Variants in NRG2 observed in about 807,000 individuals in gnomAD.
The protein encoded by NRG2 is neuregulin 2.
Under a neutral mutation model 73.9 loss-of-function variants are expected in NRG2, and 27 were observed. The ratio of observed to expected loss-of-function variants is 0.37; its 90% CI spans 0.27 to 0.50. NRG2 has a LOEUF of 0.50. Ranked by LOEUF, NRG2 falls within the 20% of genes least tolerant of loss-of-function variation. NRG2 has a pLI of 0.96. For synonymous variants in NRG2, 532 were observed against 541.0 expected (o/e 0.98, Z 0.23); for missense variants, 1,126 against 1,210.1 (o/e 0.93, Z 1.03).
intron 3 of NRG2, among the ~76,000 whole-genome samples, chr5:139,873,938 T>A (rs1020295260): frequency 6.6e-6 from 1 of 152,188 alleles, no homozygotes. Flanking sequence ...GCCAGTATCA[T>A]GTTGTCATGG....
intron 1 of NRG2, among the ~76,000 whole-genome samples, chr5:139,960,130 C>G (rs1754947336): frequency 6.6e-6 from 1 of 152,230 alleles, no homozygotes; most frequent in South Asian, 2.1e-4. Flanking sequence ...TGGAGCCTTC[C>G]TCTCTTCAGA....
intron 1 of NRG2, among the ~76,000 whole-genome samples, chr5:140,039,915 A>C (rs965269264): frequency 6.6e-6 from 1 of 152,220 alleles, no homozygotes; most frequent in African/African-American, 2.4e-5. Flanking sequence ...TGTGGCCCAG[A>C]GGGCTTTCTT....
At chr5:139,980,266 C>T (rs1346110621) in intron 1 of NRG2, among the ~76,000 whole-genome samples, 3 of 152,054 alleles carry the variant, frequency 2.0e-5, no homozygotes, top group East Asian at 1.9e-4. Context: ...ACGGAGGGGC[C>T]CTGCTTCAGG....
rs1225486666 is a variant in NRG2 at position 139,856,132 on chromosome 5, G to A, written c.1190-354C>T. 7.0e-6 allele frequency: 2 copies of A among 285,100 alleles called. No individual in the cohort carries two copies. Among genetic ancestry groups the A allele is most frequent in the Non-Finnish European group, 1.4e-5 (2 of 145,634 alleles). The allele number at this position is 285,100 out of a possible 1,614,324, so 17.7% of individuals were successfully genotyped here. A position where few individuals can be genotyped will look rare whatever the true frequency, so the allele number is the denominator to read the frequency against. On this transcript the variant is annotated intron_variant, in intron 5 of 9. Transcript: ENST00000361474. This position sits in a 1 kb window ranked among gnomAD's most constrained non-coding sequence, Gnocchi z 4.2. ...CTGTAGAGCAGGGGAGGACAGCTCA[G>A]TCTGGCCGGTGACCCTGCCCTGCTC...
At chr5:139,992,000 C>T (rs1049980466) in intron 1 of NRG2, among the ~76,000 whole-genome samples, 19 of 151,896 alleles carry the variant, frequency 1.3e-4, no homozygotes, top group African/African-American at 4.6e-4. Context: ...ATCTTCTCTC[C>T]CTACTTTTCT....
intron 1 of NRG2, among the ~76,000 whole-genome samples, chr5:139,900,780 T>G (rs567247794): frequency 6.6e-6 from 1 of 152,330 alleles, no homozygotes; most frequent in Non-Finnish European, 1.5e-5. Context: ...TTTTCCTCCA[T>G]GTGTCTTCAT....
At chr5:139,995,096 C>T (rs528544619) in intron 1 of NRG2, among the ~76,000 whole-genome samples, 4 of 152,222 alleles carry the variant, frequency 2.6e-5, no homozygotes, top group South Asian at 2.1e-4. Flanking sequence ...AATTAGCATT[C>T]GAATTGTAAT....
chr5:139,982,814 C>T (rs959798423), intron 1 of NRG2, among the ~76,000 whole-genome samples: 3 of 152,210 alleles, frequency 2.0e-5, no homozygotes, highest in Non-Finnish European at 4.4e-5. Flanking sequence ...GTACTCTTAG[C>T]TGGCTGAGGA....
intron 1 of NRG2, among the ~76,000 whole-genome samples, chr5:140,024,825 C>T (rs1760552953): frequency 6.6e-6 from 1 of 152,184 alleles, no homozygotes; most frequent in African/African-American, 2.4e-5. Flanking sequence ...ACATTTGAGA[C>T]ATCTAGATTG....
rs1762685164 is a variant in NRG2 at position 139,869,254 on chromosome 5, T to G, written c.1112+2467A>C. The G allele has an allele frequency of 6.6e-6, 1 of 151,922 alleles. No individual in the cohort carries two copies. The highest frequency in any genetic ancestry group is 2.1e-4 in the South Asian group (1 of 4,812). The allele number at this position is 151,922 out of a possible 1,614,324, so 9.4% of individuals were successfully genotyped here. A position where few individuals can be genotyped will look rare whatever the true frequency, so the allele number is the denominator to read the frequency against. ...CTGAACCAATACACAACAACAAGTGTAAGAAAACCAGGAAGGAAAACTGAT... is the reference window on the plus strand; with the variant it reads ...CTGAACCAATACACAACAACAAGTGGAAGAAAACCAGGAAGGAAAACTGAT... On this transcript the variant is annotated intron_variant, in intron 4 of 9. Coordinates refer to ENST00000361474, the MANE Select transcript of NRG2 (RefSeq NM_004883.3). The surrounding 1 kb of genome is among the most constrained non-coding windows in gnomAD (Gnocchi z 4.5).
intron 1 of NRG2, among the ~76,000 whole-genome samples, chr5:139,930,607 G>T (rs1282753664): frequency 6.6e-6 from 1 of 152,190 alleles, no homozygotes; most frequent in African/African-American, 2.4e-5. Flanking sequence ...TGACAATAAA[G>T]TGCATGCCTC....
At chr5:139,892,970 C>T (rs1348121616) in intron 1 of NRG2, among the ~76,000 whole-genome samples, 1 of 152,118 alleles carries the variant, frequency 6.6e-6, no homozygotes, top group Non-Finnish European at 1.5e-5. Context: ...GGAGTAACCA[C>T]CCCTACTCCG....
At position 139,851,531 on chromosome 5, in the gene NRG2, T is replaced by TA; in HGVS notation, c.1772+72dup. 1 of 1,439,066 alleles carries TA rather than the reference T, an allele frequency of 6.9e-7. No individual in the cohort carries two copies. The highest frequency in any genetic ancestry group is 1.2e-5 in the South Asian group (1 of 83,638). 89.1% of individuals were successfully genotyped at this position (1,439,066 alleles called of 1,614,324 possible). ...TCTTTGGAGTGTTTCTGAGGGGCCC[T>TA]AAGGGTCAGCCTTGGGCCAGTGGTG... On this transcript the variant is annotated intron_variant, in intron 9 of 9. Transcript: ENST00000361474. The surrounding 1 kb of genome is among the most constrained non-coding windows in gnomAD (Gnocchi z 4.2).
At chr5:139,956,722 A>G (rs1299937516) in intron 1 of NRG2, among the ~76,000 whole-genome samples, 1 of 152,244 alleles carries the variant, frequency 6.6e-6, no homozygotes, top group Non-Finnish European at 1.5e-5. Flanking sequence ...TAGTGTCCCA[A>G]TGTCAACAGG....
At position 139,860,578 on chromosome 5, in the gene NRG2, G is replaced by A. The variant is rs555881398; in HGVS notation, c.1190-4800C>T. ...TACTTGACACCGCAACACCCTAGAA[G>A]CCTACAGGGCTGGGCCATGGTGCCT... On this transcript the variant is annotated intron_variant, in intron 5 of 9. Coordinates refer to ENST00000361474, the MANE Select transcript of NRG2 (RefSeq NM_004883.3). Among the ~76,000 whole-genome samples the A allele has an allele frequency of 2.6e-5, 4 of 152,256 alleles. No homozygotes were observed. In the East Asian group the frequency reaches 7.7e-4, roughly 29 times the overall value.
chr5:140,035,605 T>G (rs2126701612), intron 1 of NRG2, among the ~76,000 whole-genome samples: 1 of 152,374 alleles, frequency 6.6e-6, no homozygotes. Context: ...GAATTCATGA[T>G]GTCCTGACTT....
chr5:139,909,979 G>A (rs1436611949), intron 1 of NRG2, among the ~76,000 whole-genome samples: 1 of 152,124 alleles, frequency 6.6e-6, no homozygotes, highest in African/African-American at 2.4e-5. Flanking sequence ...AAGTTTATTC[G>A]TGCCTCTGCC....
chr5:139,985,233 G>T (rs1013237203), intron 1 of NRG2, among the ~76,000 whole-genome samples: 3 of 151,642 alleles, frequency 2.0e-5, no homozygotes, highest in Non-Finnish European at 4.4e-5. Flanking sequence ...CCAGCTACTC[G>T]AGAGGCTGAG....
chr5:139,862,720 G>C (rs115548814), intron 5 of NRG2, among the ~76,000 whole-genome samples: 2 of 152,268 alleles, frequency 1.3e-5, no homozygotes, highest in Non-Finnish European at 2.9e-5. Context: ...TTGCTCATGT[G>C]TGCAGGTATG....
Sources: allele counts gnomAD v4.1 joint callset (sites outside exome capture counted in the v4.1 genomes callset), GRCh38; gene constraint gnomAD v4.1.1; non-coding constraint Gnocchi (gnomAD v3.1); transcripts MANE v1.5; gene names NCBI Gene and HGNC (gene_info 2026-07-23, HGNC 2026-07-21).